The following FBXL20 variants were observed in gnomAD, a reference collection of about 807,000 sequenced individuals.
FBXL20 encodes the protein F-box/LRR-repeat protein 20.
FBXL20 carries 11 observed loss-of-function variants against 64.0 expected under a neutral mutation model. The ratio of observed to expected loss-of-function variants is 0.17; its 90% CI spans 0.11 to 0.28. The LOEUF (loss-of-function observed/expected upper bound fraction) is 0.28. FBXL20 is among the 10% of genes least tolerant of loss of function. The pLI is 1.00. For synonymous variants in FBXL20, 184 were observed against 189.0 expected, an observed-to-expected ratio of 0.97 and a Z score of 0.22; for missense variants, 303 against 526.2, an observed-to-expected ratio of 0.58 and a Z score of 4.15.
At chr17:39,398,049 G>GGGGGGGGGGGGGGGGGGGGA (rs2048203150) in intron 1 of FBXL20, among the ~76,000 whole-genome samples, 1 of 110,462 alleles carries the variant, frequency 9.1e-6, no homozygotes, top group African/African-American at 3.1e-5. Context: ...GCGGGGGGGG[G>GGGGGGGGGGGGGGGGGGGGA]GGGGGGGTTG....
chr17:39,375,749 CG>C (rs2047961165), intron 1 of FBXL20, among the ~76,000 whole-genome samples: 1 of 152,050 alleles, frequency 6.6e-6, no homozygotes, highest in African/African-American at 2.4e-5. Context: ...TCAAGAAAAA[CG>C]GCTGAATCTC....
intron 2 of FBXL20, 122 bp from the exon 3 acceptor site, chr17:39,303,761 G>C (rs999254378): frequency 1.2e-5 from 9 of 774,598 alleles, no homozygotes; most frequent in Middle Eastern, 4.1e-4. Flanking sequence ...ATCACTGCTC[G>C]CCCCAGCCTT....
rs374379108 is a variant in FBXL20 at position 39,330,478 on chromosome 17, G to A, written c.104+12702C>T. ...AAACTACAAAAATTAGCCGGACATA[G>A]TGGCGTGTGTCTGTAATCCCAGCTA... On this transcript the variant is annotated intron_variant, in intron 2 of 14. Transcript: ENST00000264658. Among the ~76,000 whole-genome samples, 121 of 151,234 alleles carry A rather than the reference G, an allele frequency of 8.0e-4. 1 individual carries two copies. The highest frequency in any genetic ancestry group is 2.8e-3 in the African/African-American group (117 of 41,176).
intron 1 of FBXL20, among the ~76,000 whole-genome samples, chr17:39,391,983 A>C (rs1349158573): frequency 6.6e-6 from 1 of 151,966 alleles, no homozygotes; most frequent in Non-Finnish European, 1.5e-5. Flanking sequence ...CTCTACTAAA[A>C]ATAGGAAAAA....
chr17:39,357,898 T>C (rs909619536), intron 1 of FBXL20, among the ~76,000 whole-genome samples: 1 of 152,228 alleles, frequency 6.6e-6, no homozygotes, highest in African/African-American at 2.4e-5. Context: ...AGTATTTGCT[T>C]ATCTGGAAAC....
chr17:39,256,138 T>C lies in FBXL20; in HGVS notation c.*5322A>G, dbSNP rs1477249743. On this transcript the variant is annotated 3_prime_UTR_variant, in exon 15 of 15. Transcript: ENST00000264658. Reference sequence around the variant, plus strand: ...AAGTTCGAGACTAGCCTGGCCAACATGGCAAAACCCCATCTCTATGAAAAA... The same window carrying C: ...AAGTTCGAGACTAGCCTGGCCAACACGGCAAAACCCCATCTCTATGAAAAA... 1.3e-5 allele frequency: 2 copies of C among 152,018 alleles called. No individual in the cohort carries two copies. Among genetic ancestry groups the C allele is most frequent in the Admixed American group, 6.6e-5 (1 of 15,248 alleles). The allele number at this position is 152,018 out of a possible 1,614,324, so 9.4% of individuals were successfully genotyped here.
chr17:39,359,084 A>G (rs2047769113), intron 1 of FBXL20, among the ~76,000 whole-genome samples: 1 of 152,174 alleles, frequency 6.6e-6, no homozygotes, highest in Admixed American at 6.5e-5. Flanking sequence ...CTATAATCCC[A>G]CCACACCACT....
intron 1 of FBXL20, among the ~76,000 whole-genome samples, chr17:39,364,658 CCCAGGCTAGGACTTAAGAGACAATAAAG>C (rs2047841343): frequency 6.6e-6 from 1 of 152,238 alleles, no homozygotes; most frequent in Non-Finnish European, 1.5e-5. Flanking sequence ...ACTGTGATTT[CCCAGGCTAGGACTTAAGAGACAATAAAG>C]CTTTACCCTC....
intron 1 of FBXL20, among the ~76,000 whole-genome samples, chr17:39,354,990 G>C (rs372268479): frequency 7.9e-5 from 12 of 152,312 alleles, no homozygotes; most frequent in East Asian, 5.8e-4. Flanking sequence ...AGAGTGCAAT[G>C]GCACAATCTC....
At chr17:39,297,598 A>T (rs1253798354) in intron 5 of FBXL20, 1 of 159,554 alleles carries the variant, frequency 6.3e-6, no homozygotes, top group East Asian at 1.8e-4. Flanking sequence ...CGTGCCAGGA[A>T]GGTAGTACAC....
chr17:39,316,517 A>G (rs971444849), intron 2 of FBXL20, among the ~76,000 whole-genome samples: 1 of 152,208 alleles, frequency 6.6e-6, no homozygotes, highest in Non-Finnish European at 1.5e-5. Context: ...TGAGTGCTCA[A>G]AGAATGATGG....
At chr17:39,358,842 T>A (rs1017029804) in intron 1 of FBXL20, among the ~76,000 whole-genome samples, 1 of 151,966 alleles carries the variant, frequency 6.6e-6, no homozygotes, top group African/African-American at 2.4e-5. Flanking sequence ...AAAGAAATCC[T>A]ACAAACTGAA....
chr17:39,288,302 CTA>C (rs2047007213), intron 6 of FBXL20, among the ~76,000 whole-genome samples: 1 of 152,070 alleles, frequency 6.6e-6, no homozygotes, highest in Non-Finnish European at 1.5e-5. Context: ...TTTGCCATTC[CTA>C]TGTCTTCGGT....
At chr17:39,325,400 G>A (rs1423550846) in intron 2 of FBXL20, among the ~76,000 whole-genome samples, 2 of 152,042 alleles carry the variant, frequency 1.3e-5, no homozygotes, top group South Asian at 2.1e-4. Context: ...TTCTGGTCAC[G>A]GCTGAGTAAG....
Position 39,365,652 on chromosome 17 carries a change from C to G in FBXL20, c.43-22411G>C, listed in dbSNP as rs2047852299. On this transcript the variant is annotated intron_variant, in intron 1 of 14. Coordinates refer to ENST00000264658, the MANE Select transcript of FBXL20 (RefSeq NM_032875.3). ...TGCTCTCAGTCCAAAAATAGAGCAT[C>G]TACACACTTTTATTTTTTTCTTTTC... Among the ~76,000 whole-genome samples the G allele has an allele frequency of 2.6e-5, 4 of 151,540 alleles. No individual in the cohort carries two copies. In the South Asian group the frequency reaches 8.3e-4, roughly 31 times the overall value.
At chr17:39,328,663 T>C (rs2047432491) in intron 2 of FBXL20, among the ~76,000 whole-genome samples, 1 of 152,180 alleles carries the variant, frequency 6.6e-6, no homozygotes, top group Admixed American at 6.5e-5. Flanking sequence ...TAACGGTAAA[T>C]TTAGAAAATC....
At chr17:39,393,262 C>G (rs546625023) in intron 1 of FBXL20, among the ~76,000 whole-genome samples, 116 of 151,948 alleles carry the variant, frequency 7.6e-4, no homozygotes, top group Non-Finnish European at 1.4e-3. Flanking sequence ...GCACTCCAGC[C>G]TGGGCAAGAA....
chr17:39,266,192 C>A lies in FBXL20; in HGVS notation c.934-739G>T, dbSNP rs539368497. Among the ~76,000 whole-genome samples the A allele has an allele frequency of 3.3e-5, 5 of 150,238 alleles. No homozygotes were observed. In the East Asian group the frequency reaches 9.8e-4, roughly 29 times the overall value. ...CAAGTGATTCTTGTGCCTCAGCCTCCCGAGTAGCTGGGATTACAGGCTAGT... is the reference window on the plus strand; with the variant it reads ...CAAGTGATTCTTGTGCCTCAGCCTCACGAGTAGCTGGGATTACAGGCTAGT... On this transcript the variant is annotated intron_variant, in intron 12 of 14. Coordinates refer to ENST00000264658, the MANE Select transcript of FBXL20 (RefSeq NM_032875.3).
chr17:39,394,373 C>T (rs985272048), intron 1 of FBXL20, among the ~76,000 whole-genome samples: 1 of 150,284 alleles, frequency 6.7e-6, no homozygotes, highest in African/African-American at 2.5e-5. Flanking sequence ...CCCAGGTTCA[C>T]GCCATTCTCC....
Sources: allele counts gnomAD v4.1 joint callset (sites outside exome capture counted in the v4.1 genomes callset), GRCh38; gene constraint gnomAD v4.1.1; transcripts MANE v1.5; gene names NCBI Gene and HGNC (gene_info 2026-07-23, HGNC 2026-07-21).